Variants in ZNF556 observed in about 807,000 individuals in gnomAD.
ZNF556 encodes zinc finger protein 556.
In ZNF556, 11 loss-of-function variants were observed where a neutral mutation model predicts 13.6. The ratio of observed to expected loss-of-function variants is 0.81; its 90% CI spans 0.51 to 1.33. The LOEUF (loss-of-function observed/expected upper bound fraction) is 1.33. Ranked by LOEUF, ZNF556 falls within the 40% of genes most tolerant of loss-of-function variation. The pLI, the probability that ZNF556 is intolerant of heterozygous loss-of-function variation, is 0.00. For missense variants in ZNF556, 633 were observed against 566.2 expected, an observed-to-expected ratio of 1.12 and a Z score of -1.20; for synonymous variants, 229 against 207.8, an observed-to-expected ratio of 1.10 and a Z score of -0.88.
At chr19:2,867,728 A>C (rs550190858) in intron 1 of ZNF556, among the ~76,000 whole-genome samples, 2,752 of 148,466 alleles carry the variant, frequency 0.019, 116 homozygotes, top group African/African-American at 0.065. Context: ...ACAAAACAAA[A>C]AAAAAAAAAA....
Position 2,877,932 on chromosome 19 carries a change from G to T in ZNF556, c.974G>T (p.Gly325Val), listed in dbSNP as rs2144893956. The T allele has an allele frequency of 6.2e-7, 1 of 1,614,200 alleles. No homozygotes were observed. The highest frequency in any genetic ancestry group is 2.2e-5 in the East Asian group (1 of 44,876). Reference sequence around the variant, plus strand: ...TGTGGAAAATGCGGGAAAGCATTCGGTTGGCCCTCATCCTTACACAAACAC... The same window carrying T: ...TGTGGAAAATGCGGGAAAGCATTCGTTTGGCCCTCATCCTTACACAAACAC... ...YKCGKCGKAF[G>V]WPSSLHKHAR... The change falls in exon 4 of 4, where the codon GGT (glycine) becomes GTT (valine). Residue 325 changes from glycine to valine, a missense_variant. Physicochemically the swap from Gly to Val is moderately radical, Grantham distance 109. Coordinates refer to ENST00000307635, the MANE Select transcript of ZNF556 (RefSeq NM_024967.3).
Position 2,867,410 on chromosome 19 carries a change from A to C in ZNF556, c.-12A>C. ...CAGGGAGCTCCTCAAAGAGCTCAGGAACGGACAGGACATGGTGAGTGCAGG... is the reference window on the plus strand; with the variant it reads ...CAGGGAGCTCCTCAAAGAGCTCAGGCACGGACAGGACATGGTGAGTGCAGG... On this transcript the variant is annotated 5_prime_UTR_variant, in exon 1 of 4. Coordinates refer to ENST00000307635, the MANE Select transcript of ZNF556 (RefSeq NM_024967.3). 6.3e-7 allele frequency: 1 copy of C among 1,583,756 alleles called. No homozygotes were observed. Among genetic ancestry groups the C allele is most frequent in the Non-Finnish European group, 8.6e-7 (1 of 1,166,350 alleles).
intron 2 of ZNF556, 33 bp from the exon 3 acceptor site, chr19:2,876,060 T>C (rs769547291): frequency 6.4e-7 from 1 of 1,573,164 alleles, no homozygotes; most frequent in South Asian, 1.2e-5. Context: ...GCAGATGCCT[T>C]CCTCATCATA....
chr19:2,874,259 A>T (rs568771792), intron 2 of ZNF556, among the ~76,000 whole-genome samples: 2 of 151,674 alleles, frequency 1.3e-5, no homozygotes, highest in East Asian at 1.9e-4. Flanking sequence ...TCCGTCTCAA[A>T]AAATAAATAA....
chr19:2,871,961 G>A (rs1419587499), intron 1 of ZNF556, among the ~76,000 whole-genome samples: 3 of 152,178 alleles, frequency 2.0e-5, no homozygotes, highest in Non-Finnish European at 4.4e-5. Context: ...CGTGGCAGCC[G>A]AGGCAGAGAG....
In ZNF556 at chr19:2,877,440, C is replaced by T. The variant is rs1227846356; in HGVS notation, c.482C>T (p.Ser161Phe). Residue 161 changes from serine (S) to phenylalanine (F), a missense_variant, in exon 4 of 4, where the codon TCC (serine) becomes TTC (phenylalanine). Ser to Phe is a radical substitution (Grantham distance 155, BLOSUM62 -2). Transcript: ENST00000307635. ...GGAAAACTCTTCACCCATTCCTCAT[C>T]CCTGATAAGGCACAAAAGAGCTCAC... is the stretch of plus-strand genomic sequence containing the variant. ...QCGKLFTHSSSLIRHKRAHSG... is the reference protein window; with the variant it reads ...QCGKLFTHSSFLIRHKRAHSG... The T allele has an allele frequency of 1.2e-6, 2 of 1,614,106 alleles. No homozygotes were observed. Among genetic ancestry groups the T allele is most frequent in the Non-Finnish European group, 8.5e-7 (1 of 1,180,018 alleles).
In ZNF556 at chr19:2,879,648, T is replaced by C. The variant is rs1393683012; in HGVS notation, c.*1319T>C. 1 of 152,070 alleles carries C rather than the reference T, an allele frequency of 6.6e-6. No homozygotes were observed. Among genetic ancestry groups the C allele is most frequent in the Non-Finnish European group, 1.5e-5 (1 of 68,030 alleles). 9.4% of individuals were successfully genotyped at this position (152,070 alleles called of 1,614,324 possible). On this transcript the variant is annotated 3_prime_UTR_variant, in exon 4 of 4. Coordinates refer to ENST00000307635, the MANE Select transcript of ZNF556 (RefSeq NM_024967.3). ...TGAGCCACTATGCCTGGCCATATTA[T>C]CATTATCTTAATACCTCATTGTCTC...
chr19:2,868,788 T>G (rs1389348892), intron 1 of ZNF556, among the ~76,000 whole-genome samples: 10 of 148,906 alleles, frequency 6.7e-5, no homozygotes, highest in East Asian at 4.0e-4. Flanking sequence ...GCGCGATCTC[T>G]GCTTACTGCA....
intron 1 of ZNF556, among the ~76,000 whole-genome samples, chr19:2,871,677 A>T (rs946025566): frequency 6.6e-6 from 1 of 152,112 alleles, no homozygotes; most frequent in African/African-American, 2.4e-5. Context: ...TTGGGCATGT[A>T]TAGGGACCAG....
At chr19:2,873,840 C>G (rs1182424741) in intron 2 of ZNF556, among the ~76,000 whole-genome samples, 1 of 151,724 alleles carries the variant, frequency 6.6e-6, no homozygotes, top group Non-Finnish European at 1.5e-5. Context: ...TCCTGTAGTC[C>G]TAGCTACTTG....
rs1318641477 is a variant in ZNF556 at position 2,875,951 on chromosome 19, G to A, written c.131-142G>A. 1.1e-5 allele frequency: 8 copies of A among 735,676 alleles called. No individual in the cohort carries two copies. In the South Asian group the frequency reaches 1.8e-4, roughly 16 times the overall value. 45.6% of individuals were successfully genotyped at this position (735,676 alleles called of 1,614,324 possible). A position where few individuals can be genotyped will look rare whatever the true frequency, so the allele number is the denominator to read the frequency against. ...TGCACTCCAGCCTGGGCGACAGAGT[G>A]AGACTCCGTCTCAAAAATAAATAAA... On this transcript the variant is annotated intron_variant, in intron 2 of 3. Transcript: ENST00000307635.
rs2087912745 is a variant in ZNF556, at chr19:2,882,536, G to GTGTGTGTGTA, written c.*4216_*4217insATGTGTGTGT. On this transcript the variant is annotated 3_prime_UTR_variant, in exon 4 of 4. Transcript: ENST00000307635. ...TTTTATATATATATATATATAGTGT[G>GTGTGTGTGTA]TGTGTGTGTGTGTGTGTGTGTGTGT... 7.1e-6 allele frequency: 1 copy of GTGTGTGTGTA among 140,884 alleles called. No individual in the cohort carries two copies. The highest frequency in any genetic ancestry group is 3.0e-5 in the African/African-American group (1 of 32,822). The allele number at this position is 140,884 out of a possible 1,614,324, so 8.7% of individuals were successfully genotyped here. A position where few individuals can be genotyped will look rare whatever the true frequency, so the allele number is the denominator to read the frequency against.
At chr19:2,868,721 A>AT (rs11456545) in intron 1 of ZNF556, among the ~76,000 whole-genome samples, 56,746 of 125,832 alleles carry the variant, frequency 0.45, 12,082 homozygotes, top group Middle Eastern at 0.61. Flanking sequence ...TGACTAGCTA[A>AT]TTTTTTTTTT....
Position 2,882,533 on chromosome 19 carries a change from T to TGTGTGC in ZNF556, c.*4209_*4210insCGTGTG. 1.6e-5 allele frequency: 1 copy of TGTGTGC among 64,336 alleles called. No homozygotes were observed. Among genetic ancestry groups the TGTGTGC allele is most frequent in the East Asian group, 1.4e-3 (1 of 720 alleles). The allele number at this position is 64,336 out of a possible 1,614,324, so 4.0% of individuals were successfully genotyped here. ...ACATTTTATATATATATATATATAG[T>TGTGTGC]GTGTGTGTGTGTGTGTGTGTGTGTG... On this transcript the variant is annotated 3_prime_UTR_variant, in exon 4 of 4. Transcript: ENST00000307635.
intron 1 of ZNF556, among the ~76,000 whole-genome samples, chr19:2,872,996 G>A (rs1743252952): frequency 6.6e-6 from 1 of 151,882 alleles, no homozygotes; most frequent in African/African-American, 2.4e-5. Flanking sequence ...ATCCAGGCAT[G>A]TTGGTGTGCA....
chr19:2,873,581 G>T lies in ZNF556; in HGVS notation c.89G>T (p.Arg30Ile). The change falls in exon 2 of 4, where the codon AGA (arginine) becomes ATA (isoleucine). Residue 30 changes from arginine (R) to isoleucine (I), a missense_variant. Physicochemically the swap from Arg to Ile is moderately conservative, Grantham distance 97. Coordinates refer to ENST00000307635, the MANE Select transcript of ZNF556 (RefSeq NM_024967.3). ...LLNPAQRKLYRDVMLETFKHL... is the reference protein window; with the variant it reads ...LLNPAQRKLYIDVMLETFKHL... Reference sequence around the variant, plus strand: ...AATCCTGCTCAGAGAAAACTCTACAGAGATGTCATGCTGGAGACCTTCAAG... The same window carrying T: ...AATCCTGCTCAGAGAAAACTCTACATAGATGTCATGCTGGAGACCTTCAAG... The T allele has an allele frequency of 1.2e-6, 2 of 1,614,152 alleles. No homozygotes were observed. The highest frequency in any genetic ancestry group is 1.7e-6 in the Non-Finnish European group (2 of 1,180,008).
rs547768584 is a variant in ZNF556 at position 2,883,075 on chromosome 19, C to T, written c.*4746C>T. The T allele has an allele frequency of 2.0e-5, 3 of 152,294 alleles. No homozygotes were observed. Among genetic ancestry groups the T allele is most frequent in the African/African-American group, 7.2e-5 (3 of 41,560 alleles). The allele number at this position is 152,294 out of a possible 1,614,324, so 9.4% of individuals were successfully genotyped here. A position where few individuals can be genotyped will look rare whatever the true frequency, so the allele number is the denominator to read the frequency against. On this transcript the variant is annotated 3_prime_UTR_variant, in exon 4 of 4. Transcript: ENST00000307635. ...TCACAGGGTGAGGAAGAGTTATGGT[C>T]ATCTGCACAGTTGTAGCCCGTTGCG...
intron 1 of ZNF556, 140 bp from the exon 2 acceptor site, chr19:2,873,356 G>T: frequency 1.1e-6 from 1 of 949,924 alleles, no homozygotes; most frequent in Non-Finnish European, 1.6e-6. Context: ...CAGACAGAGG[G>T]GAAGAGGTCT....
At position 2,878,945 on chromosome 19, in the gene ZNF556, A is replaced by G. The variant is rs2087884289; in HGVS notation, c.*616A>G. 6.6e-6 allele frequency: 1 copy of G among 152,160 alleles called. No homozygotes were observed. The highest frequency in any genetic ancestry group is 2.1e-4 in the South Asian group (1 of 4,826). 9.4% of individuals were successfully genotyped at this position (152,160 alleles called of 1,614,324 possible). ...CATGGGTGATCTGATGTATTTTAATATGCATTAACTTTAATTTTTATATAT... is the reference window on the plus strand; with the variant it reads ...CATGGGTGATCTGATGTATTTTAATGTGCATTAACTTTAATTTTTATATAT... On this transcript the variant is annotated 3_prime_UTR_variant, in exon 4 of 4. Transcript: ENST00000307635.
Sources: allele counts gnomAD v4.1 joint callset (sites outside exome capture counted in the v4.1 genomes callset), GRCh38; gene constraint gnomAD v4.1.1; transcripts MANE v1.5; gene names NCBI Gene and HGNC (gene_info 2026-07-23, HGNC 2026-07-21).